ABITRAM: variants seen among roughly 807,000 people sequenced by gnomAD.
The protein encoded by ABITRAM is protein Abitram.
In ABITRAM, 19 loss-of-function variants were observed where a neutral mutation model predicts 22.9. The observed-to-expected ratio is 0.83, with a 90% CI of 0.58 to 1.22. The LOEUF is 1.22. Ranked by LOEUF, ABITRAM falls within the 50% of genes most tolerant of loss-of-function variation. The pLI is 0.00. For missense variants in ABITRAM, 215 were observed against 220.2 expected, an observed-to-expected ratio of 0.98 and a Z score of 0.15; for synonymous variants, 70 against 73.9, an observed-to-expected ratio of 0.95 and a Z score of 0.27.
rs1830132608 is a variant in ABITRAM at position 108,934,472 on chromosome 9, G to GCGC, written c.-12_-10dup. The GCGC allele has an allele frequency of 6.3e-7, 1 of 1,591,202 alleles. No homozygotes were observed. Among genetic ancestry groups the GCGC allele is most frequent in the African/African-American group, 1.4e-5 (1 of 72,978 alleles). ...GGGGTCCCGGAGGGCGGGGGTGGCG[G>GCGC]CGCCGGAGGTCGCCATGGCTACCGA... On this transcript the variant is annotated 5_prime_UTR_variant, in exon 1 of 6. Transcript: ENST00000322940.
chr9:108,944,400 G>A (rs1830335885), downstream of ABITRAM, among the ~76,000 whole-genome samples: 1 of 149,312 alleles, frequency 6.7e-6, no homozygotes, highest in African/African-American at 2.4e-5. Flanking sequence ...AGGTCAAAAG[G>A]GTTAGGACCT....
chr9:108,950,482 T>C (rs1830529503), intron 3 of ABITRAM: 1 of 1,546,080 alleles, frequency 6.5e-7, no homozygotes, highest in Non-Finnish European at 8.7e-7. Flanking sequence ...TTCTAACTCC[T>C]ATCATTTCTG....
intron 4 of ABITRAM, 30 bp downstream of exon 4, chr9:108,939,302 G>T: frequency 1.9e-6 from 3 of 1,597,044 alleles, no homozygotes; most frequent in Non-Finnish European, 2.6e-6. Context: ...CCATTTAGGA[G>T]ACCAAAGGGA....
chr9:108,947,405 G>A (rs775352726), intron 3 of ABITRAM, among the ~76,000 whole-genome samples: 3 of 152,098 alleles, frequency 2.0e-5, no homozygotes, highest in Non-Finnish European at 4.4e-5. Context: ...GAGCCACCGC[G>A]CCTGGCCTAA....
At chr9:108,943,221 A>C (rs2289480), downstream of ABITRAM, among the ~76,000 whole-genome samples, 54,581 of 152,070 alleles carry the variant, frequency 0.36, 10,071 homozygotes, top group Admixed American at 0.45. Flanking sequence ...GTGCAGGGGT[A>C]GCTGCCTAGA....
downstream of ABITRAM, chr9:108,943,019 C>T (rs1340694603): frequency 9.3e-6 from 15 of 1,612,440 alleles, no homozygotes; most frequent in Non-Finnish European, 1.3e-5. Context: ...CATCATGGAT[C>T]TTGTCTTCGT....
chr9:108,941,223 A>G (rs144240124), downstream of ABITRAM, among the ~76,000 whole-genome samples: 67 of 152,254 alleles, frequency 4.4e-4, 1 homozygote, highest in East Asian at 9.5e-3. Flanking sequence ...CAGCATGACT[A>G]TCCCCCTAAA....
intron 3 of ABITRAM, among the ~76,000 whole-genome samples, chr9:108,949,297 A>G (rs1161350823): frequency 2.0e-5 from 3 of 152,180 alleles, no homozygotes; most frequent in Admixed American, 6.5e-5. Flanking sequence ...GCAACCCCTC[A>G]TGTTTCCCAG....
In ABITRAM at chr9:108,940,486, A is replaced by G. The variant is rs1830242165; in HGVS notation, c.*800A>G. 1 of 152,198 alleles carries G rather than the reference A, an allele frequency of 6.6e-6. No homozygotes were observed. The highest frequency in any genetic ancestry group is 1.5e-5 in the Non-Finnish European group (1 of 68,052). The allele number at this position is 152,198 out of a possible 1,614,324, so 9.4% of individuals were successfully genotyped here. A position where few individuals can be genotyped will look rare whatever the true frequency, so the allele number is the denominator to read the frequency against. On this transcript the variant is annotated 3_prime_UTR_variant, in exon 6 of 6. Coordinates refer to ENST00000322940, the MANE Select transcript of ABITRAM (RefSeq NM_017832.4). ...CTCCTCTCCCTTTTAGGTTGTAGGGAAGAGGCCGGAGTGTAGAGTATATTA... is the reference window on the plus strand; with the variant it reads ...CTCCTCTCCCTTTTAGGTTGTAGGGGAGAGGCCGGAGTGTAGAGTATATTA...
At chr9:108,944,100 C>A, downstream of ABITRAM, 1 of 1,320,704 alleles carries the variant, frequency 7.6e-7, no homozygotes, top group East Asian at 2.4e-5. Context: ...ATAATTTTTA[C>A]GTAGAATTTT....
chr9:108,934,683 G>A (rs1041595563), intron 1 of ABITRAM, 118 bp downstream of exon 1: 2 of 955,470 alleles, frequency 2.1e-6, no homozygotes, highest in African/African-American at 3.5e-5. Context: ...CACGTCAGAA[G>A]GCACTGGACT....
rs1830237638 is a variant in ABITRAM, at chr9:108,940,043, T to C, written c.*357T>C. ...CCAAGTAAAAATAATTTACCCATCA[T>C]CCCATAATCCAGAAGTAAATACATT... On this transcript the variant is annotated 3_prime_UTR_variant, in exon 6 of 6. Transcript: ENST00000322940. 1 of 193,736 alleles carries C rather than the reference T, an allele frequency of 5.2e-6. No homozygotes were observed. Among genetic ancestry groups the C allele is most frequent in the African/African-American group, 2.3e-5 (1 of 42,772 alleles). 12.0% of individuals were successfully genotyped at this position (193,736 alleles called of 1,614,324 possible).
In ABITRAM at chr9:108,934,461, CG is replaced by C. The variant is rs759448913; in HGVS notation, c.-21del. 82 of 1,574,412 alleles carry C rather than the reference CG, an allele frequency of 5.2e-5. No homozygotes were observed. The highest frequency in any genetic ancestry group is 5.8e-5 in the Non-Finnish European group (67 of 1,162,838). On this transcript the variant is annotated 5_prime_UTR_variant, in exon 1 of 6. Transcript: ENST00000322940. ...GAGGAAGCGCTGGGGTCCCGGAGGG[CG>C]GGGGTGGCGGCGCCGGAGGTCGCCA...
At chr9:108,942,553 A>T, downstream of ABITRAM, 1 of 550,708 alleles carries the variant, frequency 1.8e-6, no homozygotes, top group Admixed American at 3.4e-5. Context: ...GTTCTATTTT[A>T]AAAATCACAC....
At chr9:108,936,075 C>T in intron 2 of ABITRAM, 1 of 537,504 alleles carries the variant, frequency 1.9e-6, no homozygotes, top group African/African-American at 1.9e-5. Context: ...TGCTACCTAC[C>T]TAAAGACCTC....
At chr9:108,947,104 G>T (rs1325118666) in intron 3 of ABITRAM, among the ~76,000 whole-genome samples, 1 of 147,972 alleles carries the variant, frequency 6.8e-6, no homozygotes, top group Non-Finnish European at 1.5e-5. Context: ...TAAAGTGATA[G>T]AAATTTCTTT....
exon 4 of ABITRAM, chr9:108,950,577 A>T: frequency 1.3e-6 from 2 of 1,550,348 alleles, no homozygotes; most frequent in Non-Finnish European, 1.7e-6. Flanking sequence ...TTGGGACTGC[A>T]TCTTCCCCAC....
intron 3 of ABITRAM, among the ~76,000 whole-genome samples, chr9:108,947,565 A>G (rs967212420): frequency 2.6e-5 from 4 of 152,186 alleles, no homozygotes; most frequent in Non-Finnish European, 4.4e-5. Flanking sequence ...GGGAAAACAT[A>G]AAAGGAATTT....
chr9:108,941,407 A>C (rs1353046968), downstream of ABITRAM, among the ~76,000 whole-genome samples: 1 of 152,214 alleles, frequency 6.6e-6, no homozygotes, highest in Non-Finnish European at 1.5e-5. Context: ...ATAACATTTT[A>C]CATGTAACAT....
Sources: gnomAD v4.1 joint callset for allele counts (sites outside exome capture counted in the v4.1 genomes callset) on GRCh38, gnomAD v4.1.1 for gene constraint, MANE v1.5 for transcripts, NCBI Gene and HGNC (gene_info 2026-07-23, HGNC 2026-07-21) for gene names.